ANO4: variants seen among roughly 807,000 people sequenced by gnomAD.
The protein encoded by ANO4 is anoctamin-4.
A neutral mutation model predicts 141.9 loss-of-function variants in ANO4; 69 were observed. The ratio of observed to expected loss-of-function variants is 0.49; its 90% CI spans 0.40 to 0.59. The LOEUF is 0.59. ANO4 is among the 20% of genes least tolerant of loss of function. The pLI is 0.00. For missense variants in ANO4, 894 were observed against 1,162.2 expected (o/e 0.77, Z 3.36); for synonymous variants, 350 against 394.3 (o/e 0.89, Z 1.33).
At chr12:100,919,704 G>GTGTA (rs1491099261) in intron 2 of ANO4, among the ~76,000 whole-genome samples, 32 of 119,576 alleles carry the variant, frequency 2.7e-4, no homozygotes, top group African/African-American at 9.8e-4. Flanking sequence ...GTGTGTGTGT[G>GTGTA]TATGTATGTA....
intron 18 of ANO4, among the ~76,000 whole-genome samples, chr12:101,095,415 G>A (rs2049942935): frequency 2.6e-5 from 4 of 152,176 alleles, no homozygotes; most frequent in Admixed American, 2.6e-4. Context: ...CCACGGTGGG[G>A]ACACCTGGGA....
intron 14 of ANO4, among the ~76,000 whole-genome samples, chr12:101,064,687 A>AATG (rs1301862405): frequency 6.7e-6 from 1 of 150,080 alleles, no homozygotes; most frequent in Non-Finnish European, 1.5e-5. Flanking sequence ...TAATAATAAT[A>AATG]ATAATAATAA....
chr12:101,116,344 T>C (rs976234901), intron 24 of ANO4, among the ~76,000 whole-genome samples: 1 of 152,224 alleles, frequency 6.6e-6, no homozygotes, highest in Non-Finnish European at 1.5e-5. Flanking sequence ...ACTGTGTTTA[T>C]GTGTATCATC....
chr12:100,777,556 G>A (rs932414468), intron 3 of ANO4, among the ~76,000 whole-genome samples: 6 of 151,956 alleles, frequency 3.9e-5, no homozygotes, highest in Admixed American at 1.3e-4. Flanking sequence ...GTTTGCCTAA[G>A]CTTGGGTTCT....
chr12:101,101,074 C>T (rs2050167480), intron 22 of ANO4, among the ~76,000 whole-genome samples: 1 of 152,190 alleles, frequency 6.6e-6, no homozygotes, highest in Non-Finnish European at 1.5e-5. Flanking sequence ...GTAGTTGTGT[C>T]AGAAAGTGGC....
At chr12:100,827,319 A>G (rs932802563) in intron 1 of ANO4, among the ~76,000 whole-genome samples, 1 of 152,060 alleles carries the variant, frequency 6.6e-6, no homozygotes, top group African/African-American at 2.4e-5. Context: ...CCATCATTAT[A>G]TGCATAGCTA....
chr12:100,750,971 C>T (rs1316847645), intron 3 of ANO4, among the ~76,000 whole-genome samples: 1 of 152,038 alleles, frequency 6.6e-6, no homozygotes, highest in African/African-American at 2.4e-5. Context: ...GAAGCATAAC[C>T]AGGCAGAGGG....
At chr12:101,097,496 T>C (rs1300588640) in intron 19 of ANO4, among the ~76,000 whole-genome samples, 155 bp from the exon 20 acceptor site, 1 of 152,210 alleles carries the variant, frequency 6.6e-6, no homozygotes, top group South Asian at 2.1e-4. Context: ...CCAGAAGCTA[T>C]GGTTATGACA....
At chr12:101,002,291 T>G (rs565790943) in intron 8 of ANO4, among the ~76,000 whole-genome samples, 9 of 152,324 alleles carry the variant, frequency 5.9e-5, no homozygotes, top group Admixed American at 5.9e-4. Context: ...GCGCATGGAT[T>G]GGCAAGCAGA....
intron 3 of ANO4, among the ~76,000 whole-genome samples, chr12:100,752,490 A>G (rs897788231): frequency 6.6e-6 from 1 of 152,192 alleles, no homozygotes; most frequent in Non-Finnish European, 1.5e-5. Context: ...AAGATCCATT[A>G]AACAGATGTC....
chr12:101,040,308 C>T (rs544008515), intron 11 of ANO4, among the ~76,000 whole-genome samples: 116 of 152,282 alleles, frequency 7.6e-4, no homozygotes, highest in African/African-American at 2.7e-3. Context: ...GAGAGGGGCC[C>T]AGGAATGGGC....
intron 26 of ANO4, 78 bp from the exon 27 acceptor site, chr12:101,126,801 A>T (rs1356626934): frequency 6.6e-6 from 9 of 1,363,188 alleles, no homozygotes; most frequent in Non-Finnish European, 8.2e-6. Context: ...GAGGGTCCAC[A>T]TCCTTCTTCA....
chr12:100,779,045 A>G (rs1416963246), intron 3 of ANO4, among the ~76,000 whole-genome samples: 1 of 151,478 alleles, frequency 6.6e-6, no homozygotes, highest in Non-Finnish European at 1.5e-5. Flanking sequence ...TACTACTATG[A>G]CCAAAAGAAA....
chr12:100,996,317 A>G (rs1393992832), intron 8 of ANO4, among the ~76,000 whole-genome samples: 2 of 152,226 alleles, frequency 1.3e-5, no homozygotes, highest in Non-Finnish European at 2.9e-5. Context: ...ACAAAATGAC[A>G]TAGTTCTTTG....
intron 1 of ANO4, among the ~76,000 whole-genome samples, chr12:100,830,708 C>T (rs1331783719): frequency 3.9e-5 from 6 of 152,050 alleles, no homozygotes; most frequent in Admixed American, 3.3e-4. Context: ...ATACCAGATA[C>T]TTCTCCTGCC....
intron 11 of ANO4, 82 bp downstream of exon 11, chr12:101,040,158 A>G (rs2047359230): frequency 6.7e-7 from 1 of 1,484,286 alleles, no homozygotes; most frequent in African/African-American, 1.4e-5. Context: ...CTCCCAATGA[A>G]GCAAAAAGAG....
rs563573136 is a variant in ANO4 at position 100,839,174 on chromosome 12, C to T, written c.-141+44147C>T. On this transcript the variant is annotated intron_variant, in intron 1 of 27. Coordinates refer to ENST00000392977, the MANE Select transcript of ANO4 (RefSeq NM_001286615.2). Reference sequence around the variant, plus strand: ...TGTCTTATACTTCTGCTGGCCAGGCCGTAATTGTGATATCATTGCTTTTGA... The same window carrying T: ...TGTCTTATACTTCTGCTGGCCAGGCTGTAATTGTGATATCATTGCTTTTGA... 2.6e-5 allele frequency among the ~76,000 whole-genome samples: 4 copies of T among 152,110 alleles called. No homozygotes were observed. In the South Asian group the frequency reaches 6.2e-4, roughly 24 times the overall value.
intron 8 of ANO4, among the ~76,000 whole-genome samples, chr12:101,017,072 C>T (rs1485456031): frequency 6.6e-6 from 1 of 152,160 alleles, no homozygotes; most frequent in Non-Finnish European, 1.5e-5. Flanking sequence ...TTTATAGCAT[C>T]ACATTAGTTG....
chr12:100,771,141 C>T (rs1171913147), intron 3 of ANO4, among the ~76,000 whole-genome samples: 2 of 152,060 alleles, frequency 1.3e-5, no homozygotes, highest in African/African-American at 2.4e-5. Flanking sequence ...TTGGAACTAC[C>T]AATTTTTGGC....
Sources: allele counts gnomAD v4.1 joint callset (sites outside exome capture counted in the v4.1 genomes callset), GRCh38; gene constraint gnomAD v4.1.1; transcripts MANE v1.5; gene names NCBI Gene and HGNC (gene_info 2026-07-23, HGNC 2026-07-21).